The following TADA2B variants were observed in gnomAD, a reference collection of about 807,000 sequenced individuals.
TADA2B encodes the protein transcriptional adaptor 2B.
In TADA2B, 13 loss-of-function variants were observed where a neutral mutation model predicts 34.5. That is an observed-to-expected ratio of 0.38 (90% CI 0.25 to 0.60). TADA2B has a LOEUF of 0.60. Ranked by LOEUF, TADA2B falls within the 20% of genes least tolerant of loss-of-function variation. The pLI is 0.65. For synonymous variants in TADA2B, 240 were observed against 243.4 expected (o/e 0.99, Z 0.13); for missense variants, 442 against 575.0 (o/e 0.77, Z 2.37).
chr4:7,054,166 C>T lies in TADA2B; in HGVS notation c.375C>T (p.Pro125=), dbSNP rs751502914. Residue 125 remains proline, a synonymous_variant, in exon 2 of 2, where the codon CCC becomes CCT. Coordinates refer to ENST00000310074, the MANE Select transcript of TADA2B (RefSeq NM_152293.3). ...IHGNLGKACI[P]DTIPNRVTDH... ...GGAACCTGGGGAAGGCCTGCATCCC[C>T]GACACCATCCCCAACCGCGTGACAG... 1.3e-5 allele frequency: 21 copies of T among 1,604,894 alleles called. No homozygotes were observed. The highest frequency in any genetic ancestry group is 5.1e-5 in the Admixed American group (3 of 58,784).
chr4:7,051,002 G>A (rs1295993992), intron 1 of TADA2B, among the ~76,000 whole-genome samples: 7 of 152,188 alleles, frequency 4.6e-5, no homozygotes, highest in African/African-American at 9.7e-5. Flanking sequence ...AACCGTAGGC[G>A]GTAACAACAC....
intron 1 of TADA2B, among the ~76,000 whole-genome samples, chr4:7,050,412 C>A (rs1040806858): frequency 6.6e-6 from 1 of 152,272 alleles, no homozygotes; most frequent in African/African-American, 2.4e-5. Flanking sequence ...ACTGAGCCTT[C>A]CTGGCTTTTT....
In TADA2B at chr4:7,054,520, G is replaced by A. The variant is rs1365134522; in HGVS notation, c.729G>A (p.Ala243=). The A allele has an allele frequency of 1.9e-6, 3 of 1,613,702 alleles. No homozygotes were observed. The highest frequency in any genetic ancestry group is 1.3e-5 in the African/African-American group (1 of 74,942). Residue 243 remains alanine, a synonymous_variant, in exon 2 of 2, where the codon GCG becomes GCA. Coordinates refer to ENST00000310074, the MANE Select transcript of TADA2B (RefSeq NM_152293.3). ...AGGACAAGAAGGAGAAGGAAAAGGC[G>A]CTGAAGCGCAAGATCACCAAGGAGG... ...LGKDKKEKEK[A]LKRKITKEEK...
intron 1 of TADA2B, chr4:7,046,316 A>G (rs553440471): frequency 6.6e-6 from 1 of 152,302 alleles, no homozygotes; most frequent in African/African-American, 2.4e-5. Context: ...GTATCCAGCT[A>G]TGTGCACAGA....
chr4:7,052,516 G>A (rs897481636), intron 1 of TADA2B, among the ~76,000 whole-genome samples: 3 of 152,216 alleles, frequency 2.0e-5, no homozygotes, highest in African/African-American at 4.8e-5. Context: ...CTTCGCGCTC[G>A]CTGTGTGGGG....
intron 1 of TADA2B, among the ~76,000 whole-genome samples, chr4:7,044,401 C>T (rs1471348634): frequency 6.6e-6 from 1 of 152,210 alleles, no homozygotes; most frequent in East Asian, 1.9e-4. Context: ...CCACAACCCA[C>T]GACCTTGTGC....
At chr4:7,049,028 G>T (rs1723701615) in intron 1 of TADA2B, among the ~76,000 whole-genome samples, 1 of 152,232 alleles carries the variant, frequency 6.6e-6, no homozygotes, top group African/African-American at 2.4e-5. Context: ...TATGAAGATG[G>T]TGTTGAGGGA....
At chr4:7,050,004 G>A (rs376394448) in intron 1 of TADA2B, among the ~76,000 whole-genome samples, 3 of 152,270 alleles carry the variant, frequency 2.0e-5, no homozygotes, top group South Asian at 2.1e-4. Flanking sequence ...GAGCCCATGC[G>A]GCATGGAGGT....
At chr4:7,044,145 G>C (rs765642272) in intron 1 of TADA2B, among the ~76,000 whole-genome samples, 7 of 152,254 alleles carry the variant, frequency 4.6e-5, no homozygotes, top group Non-Finnish European at 1.0e-4. Context: ...CTTCACAGGC[G>C]TTTGCGGAGT....
rs1271238815 is a variant in TADA2B at position 7,043,782 on chromosome 4, G to A, written c.203G>A (p.Gly68Asp). 2 of 1,568,460 alleles carry A rather than the reference G, an allele frequency of 1.3e-6. No homozygotes were observed. Among genetic ancestry groups the A allele is most frequent in the Admixed American group, 1.7e-5 (1 of 57,774 alleles). Residue 68 changes from glycine (G) to aspartate (D), a missense_variant, in exon 1 of 2, where the codon GGC becomes GAC. Coordinates refer to ENST00000310074, the MANE Select transcript of TADA2B (RefSeq NM_152293.3). ...RFTLWGPEAEGGWTSREEQLL... is the reference protein window; with the variant it reads ...RFTLWGPEAEDGWTSREEQLL... The stretch of plus-strand genomic sequence containing the variant: ...ACGCTCTGGGGGCCCGAGGCCGAGG[G>A]CGGCTGGACCAGTCGCGAGGAGCAG...
Position 7,056,176 on chromosome 4 carries a change from C to T in TADA2B, c.*1122C>T, listed in dbSNP as rs954860605. On this transcript the variant is annotated 3_prime_UTR_variant, in exon 2 of 2. Transcript: ENST00000310074. ...GGTTCTGGTGGAGCACGAGGGAGCCCGGGTGGTGCCCTGAGCCTCGAGCTG... is the reference window on the plus strand; with the variant it reads ...GGTTCTGGTGGAGCACGAGGGAGCCTGGGTGGTGCCCTGAGCCTCGAGCTG... 3 of 152,680 alleles carry T rather than the reference C, an allele frequency of 2.0e-5. No homozygotes were observed. The highest frequency in any genetic ancestry group is 4.8e-5 in the African/African-American group (2 of 41,454). 9.5% of individuals were successfully genotyped at this position (152,680 alleles called of 1,614,324 possible).
chr4:7,054,119 T>C lies in TADA2B; in HGVS notation c.328T>C (p.Tyr110His). Residue 110 changes from tyrosine (Y) to histidine (H), a missense_variant, in exon 2 of 2, where the codon TAC becomes CAC. Coordinates refer to ENST00000310074, the MANE Select transcript of TADA2B (RefSeq NM_152293.3). ...SRTPQEVMEH[Y>H]VSMYIHGNLG... Reference sequence around the variant, plus strand: ...GACTCCCCAAGAGGTGATGGAGCATTACGTGAGCATGTACATCCACGGGAA... The same window carrying C: ...GACTCCCCAAGAGGTGATGGAGCATCACGTGAGCATGTACATCCACGGGAA... 6.2e-7 allele frequency: 1 copy of C among 1,602,390 alleles called. No individual in the cohort carries two copies. The highest frequency in any genetic ancestry group is 8.5e-7 in the Non-Finnish European group (1 of 1,174,740).
rs747188473 is a variant in TADA2B, at chr4:7,055,063, C to T, written c.*9C>T. On this transcript the variant is annotated 3_prime_UTR_variant, in exon 2 of 2. Transcript: ENST00000310074. ...CCAGGGACGCGTCTTGAAGCTGAGA[C>T]GCTTTGAAAGCCAGGGTGATGCTCA... is the stretch of plus-strand genomic sequence containing the variant. The T allele has an allele frequency of 5.0e-6, 8 of 1,598,090 alleles. No individual in the cohort carries two copies. Among genetic ancestry groups the T allele is most frequent in the Middle Eastern group, 1.7e-4 (1 of 5,966 alleles).
chr4:7,049,894 G>A (rs556364173), intron 1 of TADA2B, among the ~76,000 whole-genome samples: 2 of 152,372 alleles, frequency 1.3e-5, no homozygotes, highest in East Asian at 1.9e-4. Context: ...CTAGCTGCAG[G>A]TGGCCCTAGT....
chr4:7,044,601 C>T (rs954833250), intron 1 of TADA2B, among the ~76,000 whole-genome samples: 1 of 152,158 alleles, frequency 6.6e-6, no homozygotes, highest in Admixed American at 6.5e-5. Flanking sequence ...ATGGTTCTCT[C>T]TGGGCGGTCT....
intron 1 of TADA2B, among the ~76,000 whole-genome samples, chr4:7,052,577 G>A (rs557485151): frequency 6.6e-6 from 1 of 152,328 alleles, no homozygotes; most frequent in Non-Finnish European, 1.5e-5. Flanking sequence ...GTGTGGGGCT[G>A]CACGTGTCTC....
At chr4:7,049,746 G>A (rs1723720134) in intron 1 of TADA2B, among the ~76,000 whole-genome samples, 1 of 152,238 alleles carries the variant, frequency 6.6e-6, no homozygotes, top group Non-Finnish European at 1.5e-5. Context: ...TCCTCAAGTT[G>A]TCTCTTTAAA....
At chr4:7,052,838 C>T (rs958226499) in intron 1 of TADA2B, 7 of 152,264 alleles carry the variant, frequency 4.6e-5, no homozygotes, top group Non-Finnish European at 1.0e-4. Flanking sequence ...CAAAGAGGCC[C>T]ACAGTTGAGT....
At chr4:7,045,321 G>A (rs540192238) in intron 1 of TADA2B, among the ~76,000 whole-genome samples, 79 of 152,268 alleles carry the variant, frequency 5.2e-4, no homozygotes, top group Middle Eastern at 6.8e-3. Flanking sequence ...TCTTACAGCC[G>A]TAGTCCCGGC....
Sources: allele counts gnomAD v4.1 joint callset (sites outside exome capture counted in the v4.1 genomes callset), GRCh38; gene constraint gnomAD v4.1.1; transcripts MANE v1.5; gene names NCBI Gene and HGNC (gene_info 2026-07-23, HGNC 2026-07-21).